CPE: variants seen among roughly 807,000 people sequenced by gnomAD.
CPE encodes carboxypeptidase E.
Under a neutral mutation model 53.5 loss-of-function variants are expected in CPE, and 17 were observed. That is an observed-to-expected ratio of 0.32 (90% CI 0.22 to 0.48). The LOEUF (loss-of-function observed/expected upper bound fraction) is 0.48, where lower values mean the gene tolerates loss of function less well. CPE is among the 20% of genes least tolerant of loss of function. The probability of loss-of-function intolerance (pLI) is 0.99; values close to 1 mark genes in which losing one functional copy is unlikely to be tolerated. For missense variants in CPE, 524 were observed against 614.7 expected, an observed-to-expected ratio of 0.85 and a Z score of 1.56; for synonymous variants, 226 against 228.8, an observed-to-expected ratio of 0.99 and a Z score of 0.11.
chr4:165,399,720 A>G (rs889606921), intron 1 of CPE, among the ~76,000 whole-genome samples: 1 of 152,200 alleles, frequency 6.6e-6, no homozygotes, highest in African/African-American at 2.4e-5. Context: ...AGGATAAGAC[A>G]CATGCATATG....
At chr4:165,412,954 A>G (rs1731064175) in intron 1 of CPE, among the ~76,000 whole-genome samples, 1 of 152,182 alleles carries the variant, frequency 6.6e-6, no homozygotes, top group Non-Finnish European at 1.5e-5. Context: ...GCAGGTGCTC[A>G]CTGTTACACC....
At chr4:165,494,631 T>C (rs1732671174) in intron 7 of CPE, among the ~76,000 whole-genome samples, 1 of 152,168 alleles carries the variant, frequency 6.6e-6, no homozygotes, top group Admixed American at 6.5e-5. Flanking sequence ...GGGATCCTGA[T>C]TGGACTGGGT....
At chr4:165,389,355 T>C (rs1730644466) in intron 1 of CPE, among the ~76,000 whole-genome samples, 1 of 152,224 alleles carries the variant, frequency 6.6e-6, no homozygotes, top group Non-Finnish European at 1.5e-5. Context: ...TTTTTACTTC[T>C]ACTTATAGCT....
chr4:165,397,150 G>A (rs115806006), intron 1 of CPE, among the ~76,000 whole-genome samples: 3,240 of 152,160 alleles, frequency 0.021, 123 homozygotes, highest in African/African-American at 0.074. Flanking sequence ...AGAAAATAAA[G>A]TTTAAAGATG....
At chr4:165,403,273 C>T (rs1035220415) in intron 1 of CPE, among the ~76,000 whole-genome samples, 2 of 151,944 alleles carry the variant, frequency 1.3e-5, no homozygotes, top group African/African-American at 4.8e-5. Flanking sequence ...TCATTGAAAC[C>T]AGGAAAGGCT....
At chr4:165,390,273 G>T (rs1040014462) in intron 1 of CPE, among the ~76,000 whole-genome samples, 2 of 152,076 alleles carry the variant, frequency 1.3e-5, no homozygotes, top group African/African-American at 4.8e-5. Flanking sequence ...TCTTGTTCTG[G>T]TGTTTTCTAT....
intron 1 of CPE, among the ~76,000 whole-genome samples, chr4:165,445,429 A>C (rs1731695514): frequency 6.6e-6 from 1 of 151,458 alleles, no homozygotes; most frequent in Non-Finnish European, 1.5e-5. Context: ...TAAAATTTCT[A>C]CTCCTACCTT....
At chr4:165,470,104 C>A (rs1239122517) in intron 3 of CPE, among the ~76,000 whole-genome samples, 1 of 152,058 alleles carries the variant, frequency 6.6e-6, no homozygotes, top group Non-Finnish European at 1.5e-5. Flanking sequence ...AGGCATAAGG[C>A]AGAGTGAGAG....
intron 1 of CPE, among the ~76,000 whole-genome samples, chr4:165,409,706 C>T (rs776112417): frequency 8.5e-5 from 13 of 152,082 alleles, no homozygotes; most frequent in Non-Finnish European, 1.6e-4. Context: ...CTGTGGTGAT[C>T]TTATCCTGGA....
At chr4:165,447,289 G>A (rs1448082089) in intron 1 of CPE, among the ~76,000 whole-genome samples, 1 of 152,106 alleles carries the variant, frequency 6.6e-6, no homozygotes, top group African/African-American at 2.4e-5. Context: ...ATATTTTTAT[G>A]GCCAGGAGTG....
intron 1 of CPE, among the ~76,000 whole-genome samples, chr4:165,453,372 TTCTTTCTTTCTCTCTC>T (rs1390411514): frequency 4.0e-5 from 6 of 149,908 alleles, no homozygotes; most frequent in Non-Finnish European, 8.9e-5. Flanking sequence ...CTCTCTCTCT[TTCTTTCTTTCTCTCTC>T]TCTTTCTTTC....
chr4:165,435,099 C>A (rs971676976), intron 1 of CPE, among the ~76,000 whole-genome samples: 1 of 152,164 alleles, frequency 6.6e-6, no homozygotes, highest in Non-Finnish European at 1.5e-5. Context: ...TCTTGTGCAG[C>A]CTGCAAAACC....
At chr4:165,439,795 GAGC>G (rs1482967087) in intron 1 of CPE, among the ~76,000 whole-genome samples, 2 of 152,040 alleles carry the variant, frequency 1.3e-5, no homozygotes, top group Non-Finnish European at 2.9e-5. Flanking sequence ...TGGAAGAGGG[GAGC>G]AGTTTACAAC....
chr4:165,384,379 A>G (rs1730553671), intron 1 of CPE, among the ~76,000 whole-genome samples: 1 of 152,158 alleles, frequency 6.6e-6, no homozygotes, highest in South Asian at 2.1e-4. Context: ...CTGGTGGCTC[A>G]CACCTGGTTG....
chr4:165,468,689 C>T (rs1473550447), intron 3 of CPE, among the ~76,000 whole-genome samples: 2 of 152,168 alleles, frequency 1.3e-5, no homozygotes, highest in Non-Finnish European at 2.9e-5. Flanking sequence ...CAGCTGAGAT[C>T]CCCACGGTCT....
In CPE at chr4:165,467,596, T is replaced by G. The variant is rs1291184883; in HGVS notation, c.505-92T>G. On this transcript the variant is annotated intron_variant, in intron 2 of 8. Transcript: ENST00000402744. ...TTGTTGAAGTAAATAATCTTAATAGTTATTTTAAAGAGCATTGATAGGGAC... is the reference window on the plus strand; with the variant it reads ...TTGTTGAAGTAAATAATCTTAATAGGTATTTTAAAGAGCATTGATAGGGAC... 3.3e-6 allele frequency: 4 copies of G among 1,214,664 alleles called. No homozygotes were observed. In the Admixed American group the frequency reaches 7.9e-5, roughly 24 times the overall value. The allele number at this position is 1,214,664 out of a possible 1,614,324, so 75.2% of individuals were successfully genotyped here.
intron 1 of CPE, among the ~76,000 whole-genome samples, chr4:165,454,314 G>A (rs541281607): frequency 6.6e-6 from 1 of 152,086 alleles, no homozygotes; most frequent in East Asian, 1.9e-4. Context: ...TACTCCTTCC[G>A]AAACCAGTGC....
intron 6 of CPE, 80 bp downstream of exon 6, chr4:165,487,657 C>A (rs1732532053): frequency 1.4e-6 from 2 of 1,481,028 alleles, no homozygotes; most frequent in South Asian, 1.2e-5. Flanking sequence ...AAGAGGAGTC[C>A]AGGAGAATCC....
At chr4:165,382,630 C>T (rs1390709719) in intron 1 of CPE, among the ~76,000 whole-genome samples, 1 of 152,082 alleles carries the variant, frequency 6.6e-6, no homozygotes, top group African/African-American at 2.4e-5. Context: ...CAAGAAAATA[C>T]AACAACATAC....
Sources: gnomAD v4.1 joint callset for allele counts (sites outside exome capture counted in the v4.1 genomes callset) on GRCh38, gnomAD v4.1.1 for gene constraint, MANE v1.5 for transcripts, NCBI Gene and HGNC (gene_info 2026-07-23, HGNC 2026-07-21) for gene names.